Variants in MTARC2 observed in about 807,000 individuals in gnomAD.
MTARC2 encodes mitochondrial amidoxime reducing component 2, also known as MOCO sulphurase C-terminal domain containing 2.
MTARC2 carries 27 observed loss-of-function variants against 35.6 expected under a neutral mutation model. The ratio of observed to expected loss-of-function variants is 0.76; its 90% CI spans 0.56 to 1.04. The LOEUF (loss-of-function observed/expected upper bound fraction) is 1.04, where lower values mean the gene tolerates loss of function less well. MTARC2 is among the 50% of genes least tolerant of loss of function. The pLI, the probability that MTARC2 is intolerant of heterozygous loss-of-function variation, is 0.00. For synonymous variants in MTARC2, 158 were observed against 167.1 expected, an observed-to-expected ratio of 0.95 and a Z score of 0.42; for missense variants, 412 against 432.5, an observed-to-expected ratio of 0.95 and a Z score of 0.42.
At chr1:220,766,642 C>CTG (rs1256371928) in intron 4 of MTARC2, among the ~76,000 whole-genome samples, 1 of 151,928 alleles carries the variant, frequency 6.6e-6, no homozygotes, top group African/African-American at 2.4e-5. Context: ...GTTTAAAATC[C>CTG]TGAGCCAAGG....
At chr1:220,768,476 G>A (rs112778953) in intron 4 of MTARC2, among the ~76,000 whole-genome samples, 1,782 of 152,212 alleles carry the variant, frequency 0.012, 16 homozygotes, top group Middle Eastern at 0.024. Flanking sequence ...ACTTGCTCTC[G>A]AGGTCGCATA....
chr1:220,762,033 G>A (rs949095399), intron 3 of MTARC2, among the ~76,000 whole-genome samples: 6 of 152,132 alleles, frequency 3.9e-5, no homozygotes, highest in Admixed American at 1.3e-4. Flanking sequence ...GGATCTCTAG[G>A]GTGTATGGAG....
At chr1:220,771,735 G>A (rs1188173760) in intron 4 of MTARC2, among the ~76,000 whole-genome samples, 2 of 151,828 alleles carry the variant, frequency 1.3e-5, no homozygotes, top group African/African-American at 4.8e-5. Context: ...GGGTAACAGC[G>A]CCCACCAGGG....
rs553916887 is a variant in MTARC2 at position 220,755,197 on chromosome 1, C to A, written c.446+77C>A. The A allele has an allele frequency of 7.0e-5, 100 of 1,431,322 alleles. 1 individual carries two copies. In the South Asian group the frequency reaches 1.3e-3, roughly 19 times the overall value. 88.7% of individuals were successfully genotyped at this position (1,431,322 alleles called of 1,614,324 possible). A position where few individuals can be genotyped will look rare whatever the true frequency, so the allele number is the denominator to read the frequency against. On this transcript the variant is annotated intron_variant, in intron 2 of 7. Transcript: ENST00000366913. ...AGGCTCCTCCTTGCATTCTGTCTTGCTATAGTTTCTACAGTAGAGGATGAC... is the reference window on the plus strand; with the variant it reads ...AGGCTCCTCCTTGCATTCTGTCTTGATATAGTTTCTACAGTAGAGGATGAC...
At chr1:220,774,959 G>A (rs546059543) in intron 4 of MTARC2, among the ~76,000 whole-genome samples, 3 of 152,154 alleles carry the variant, frequency 2.0e-5, no homozygotes, top group South Asian at 2.1e-4. Context: ...GTGTGCGTGT[G>A]TGTGTGTGTG....
At chr1:220,783,595 C>T (rs1471815020) in intron 7 of MTARC2, among the ~76,000 whole-genome samples, 1 of 152,240 alleles carries the variant, frequency 6.6e-6, no homozygotes, top group Non-Finnish European at 1.5e-5. Flanking sequence ...AGGCAACAAA[C>T]ATCTGTGGTT....
In MTARC2 at chr1:220,758,475, G is replaced by A. The variant is rs11809727; in HGVS notation, c.447-3183G>A. 1.2e-4 allele frequency among the ~76,000 whole-genome samples: 18 copies of A among 148,670 alleles called. 1 individual carries two copies. In the South Asian group the frequency reaches 1.3e-3, roughly 11 times the overall value. On this transcript the variant is annotated intron_variant, in intron 2 of 7. Transcript: ENST00000366913. Reference sequence around the variant, plus strand: ...GCTCTTGTTGCCCGGGCTAGAGTGCGATGGCACGATCTCAGCTCACTGCAA... The same window carrying A: ...GCTCTTGTTGCCCGGGCTAGAGTGCAATGGCACGATCTCAGCTCACTGCAA...
chr1:220,762,715 C>T (rs1671472130), intron 3 of MTARC2, among the ~76,000 whole-genome samples, 195 bp from the exon 4 acceptor site: 1 of 152,208 alleles, frequency 6.6e-6, no homozygotes, highest in African/African-American at 2.4e-5. Context: ...GGCTGCAGCC[C>T]TGTCCCTGTG....
chr1:220,751,363 G>C (rs547761301), intron 1 of MTARC2, among the ~76,000 whole-genome samples: 5 of 152,310 alleles, frequency 3.3e-5, no homozygotes, highest in Admixed American at 2.6e-4. Context: ...GGGAGGGCGT[G>C]CTTGTCCTCC....
intron 4 of MTARC2, among the ~76,000 whole-genome samples, chr1:220,767,173 C>T (rs773460038): frequency 2.6e-4 from 40 of 152,040 alleles, no homozygotes; most frequent in African/African-American, 8.2e-4. Flanking sequence ...TATTAAATGA[C>T]GCTAATGTTG....
At chr1:220,755,186 A>G (rs1671242837) in intron 2 of MTARC2, 66 bp downstream of exon 2, 2 of 1,475,418 alleles carry the variant, frequency 1.4e-6, no homozygotes, top group Admixed American at 2.2e-5. Flanking sequence ...TCCTCCTTGC[A>G]TTCTGTCTTG....
Position 220,748,380 on chromosome 1 carries a change from C to A in MTARC2, c.-152C>A, listed in dbSNP as rs1291479144. On this transcript the variant is annotated 5_prime_UTR_variant, in exon 1 of 8. In the 5' UTR this introduces an upstream ATG that the reference lacks. Coordinates refer to ENST00000366913, the MANE Select transcript of MTARC2 (RefSeq NM_017898.5). Reference sequence around the variant, plus strand: ...CATTCCCGCTCTCCGCGGAACTGCTCTGCCGTCTCGGCGGTGAAAGTGTGA... The same window carrying A: ...CATTCCCGCTCTCCGCGGAACTGCTATGCCGTCTCGGCGGTGAAAGTGTGA... 3 of 767,672 alleles carry A rather than the reference C, an allele frequency of 3.9e-6. No individual in the cohort carries two copies. The highest frequency in any genetic ancestry group is 4.4e-5 in the Admixed American group (1 of 22,608). The allele number at this position is 767,672 out of a possible 1,614,324, so 47.6% of individuals were successfully genotyped here.
In MTARC2 at chr1:220,748,619, C is replaced by A; in HGVS notation, c.88C>A (p.Leu30Met). Residue 30 changes from leucine (L) to methionine (M), a missense_variant, in exon 1 of 8, where the codon CTG (leucine) becomes ATG (methionine). By Grantham distance (15) the Leu-to-Met change is conservative. Transcript: ENST00000366913. ...GTGGCTCGGGGTCGCCGCGCTAGGA[C>A]TGGCCGCCGTGGCCCTGGGGACTGT... Reference protein sequence around the residue: ...PRWLGVAALGLAAVALGTVAW... With the variant: ...PRWLGVAALGMAAVALGTVAW... The A allele has an allele frequency of 1.3e-6, 2 of 1,486,108 alleles. No homozygotes were observed. The highest frequency in any genetic ancestry group is 1.3e-5 in the South Asian group (1 of 76,352). The allele number at this position is 1,486,108 out of a possible 1,614,324, so 92.1% of individuals were successfully genotyped here.
chr1:220,775,276 CA>C (rs1671869818), intron 4 of MTARC2, among the ~76,000 whole-genome samples: 1 of 151,722 alleles, frequency 6.6e-6, no homozygotes, highest in Admixed American at 6.5e-5. Flanking sequence ...ATTATTTCCT[CA>C]GAGCTGAACC....
At chr1:220,779,705 A>G (rs1385758851) in intron 4 of MTARC2, among the ~76,000 whole-genome samples, 1 of 152,040 alleles carries the variant, frequency 6.6e-6, no homozygotes, top group Non-Finnish European at 1.5e-5. Flanking sequence ...CTTGCAAGTT[A>G]CACATTTCTC....
chr1:220,775,150 C>T (rs2102566906), intron 4 of MTARC2, among the ~76,000 whole-genome samples: 1 of 151,124 alleles, frequency 6.6e-6, no homozygotes, highest in Middle Eastern at 3.4e-3. Context: ...ACAACACCCA[C>T]CCGCCCCACC....
chr1:220,748,413 C>G lies in MTARC2; in HGVS notation c.-119C>G. On this transcript the variant is annotated 5_prime_UTR_variant, in exon 1 of 8. Coordinates refer to ENST00000366913, the MANE Select transcript of MTARC2 (RefSeq NM_017898.5). Reference sequence around the variant, plus strand: ...TCGGCGGTGAAAGTGTGAGAGGGTCCGTAGTTGGGTCAACTTTGACTCCTC... The same window carrying G: ...TCGGCGGTGAAAGTGTGAGAGGGTCGGTAGTTGGGTCAACTTTGACTCCTC... 9.6e-7 allele frequency: 1 copy of G among 1,043,798 alleles called. No homozygotes were observed. The highest frequency in any genetic ancestry group is 1.2e-6 in the Non-Finnish European group (1 of 802,740). The allele number at this position is 1,043,798 out of a possible 1,614,324, so 64.7% of individuals were successfully genotyped here. A position where few individuals can be genotyped will look rare whatever the true frequency, so the allele number is the denominator to read the frequency against.
chr1:220,753,502 G>A (rs12407624), intron 1 of MTARC2, among the ~76,000 whole-genome samples: 19,992 of 152,158 alleles, frequency 0.13, 1,762 homozygotes, highest in East Asian at 0.25. Flanking sequence ...TATCTGTCAG[G>A]GTCAGGACAG....
At chr1:220,758,423 CTT>C (rs35433433) in intron 2 of MTARC2, among the ~76,000 whole-genome samples, 6 of 143,248 alleles carry the variant, frequency 4.2e-5, no homozygotes, top group Admixed American at 1.4e-4. Flanking sequence ...TAATTATTAC[CTT>C]TTTTTTTTTT....
Sources: allele counts gnomAD v4.1 joint callset (sites outside exome capture counted in the v4.1 genomes callset), GRCh38; gene constraint gnomAD v4.1.1; transcripts MANE v1.5; gene names NCBI Gene and HGNC (gene_info 2026-07-23, HGNC 2026-07-21).